The following TTLL7 variants were observed in gnomAD, a reference collection of about 807,000 sequenced individuals.
TTLL7 encodes the protein tubulin tyrosine ligase like 7.
TTLL7 carries 53 observed loss-of-function variants against 120.2 expected under a neutral mutation model. The ratio of observed to expected loss-of-function variants is 0.44; its 90% CI spans 0.35 to 0.55. The LOEUF (loss-of-function observed/expected upper bound fraction) is 0.55. Ranked by LOEUF, TTLL7 falls within the 20% of genes least tolerant of loss-of-function variation. TTLL7 has a pLI of 0.00. For synonymous variants in TTLL7, 353 were observed against 351.7 expected (o/e 1.00, Z -0.04); for missense variants, 803 against 1,054.7 (o/e 0.76, Z 3.31).
rs1332572694 is a variant in TTLL7, at chr1:83,868,174, C to G, written c.*1788G>C. ...CAATTCTTCAGGCTGTGAATTAAAC[C>G]AGGCCAATTTGCCCCTCTCAGTTCT... On this transcript the variant is annotated 3_prime_UTR_variant, in exon 21 of 21. Coordinates refer to ENST00000260505, the MANE Select transcript of TTLL7 (RefSeq NM_024686.6). The G allele has an allele frequency of 6.6e-6, 1 of 152,156 alleles. No homozygotes were observed. The highest frequency in any genetic ancestry group is 1.5e-5 in the Non-Finnish European group (1 of 68,020). The allele number at this position is 152,156 out of a possible 1,614,324, so 9.4% of individuals were successfully genotyped here.
intron 1 of TTLL7, among the ~76,000 whole-genome samples, chr1:83,971,581 G>A (rs1650989981): frequency 6.6e-6 from 1 of 152,032 alleles, no homozygotes; most frequent in Non-Finnish European, 1.5e-5. Flanking sequence ...GTTTCCTACT[G>A]CTGGAATCTT....
At chr1:83,925,655 T>C (rs1258728428) in intron 10 of TTLL7, among the ~76,000 whole-genome samples, 1 of 152,230 alleles carries the variant, frequency 6.6e-6, no homozygotes, top group Non-Finnish European at 1.5e-5. Flanking sequence ...TAGCCTGGAC[T>C]TTCATGTGAA....
intron 1 of TTLL7, among the ~76,000 whole-genome samples, chr1:83,985,895 C>T (rs1285625986): frequency 1.3e-5 from 2 of 152,076 alleles, no homozygotes; most frequent in African/African-American, 2.4e-5. Context: ...TCTATAACTA[C>T]TAAAGAAATA....
chr1:83,919,984 A>G (rs1163358213), intron 12 of TTLL7, 150 bp from the exon 13 acceptor site: 1 of 543,080 alleles, frequency 1.8e-6, no homozygotes, highest in Non-Finnish European at 3.0e-6. Flanking sequence ...GTGCAAAATG[A>G]TATTAAATAT....
chr1:83,990,445 G>A (rs186728914), intron 1 of TTLL7, among the ~76,000 whole-genome samples: 15 of 152,306 alleles, frequency 9.8e-5, no homozygotes, highest in African/African-American at 3.6e-4. Flanking sequence ...AAAGTGCTGG[G>A]ATTACAGGCG....
At chr1:83,904,754 A>G (rs1462065029) in intron 17 of TTLL7, among the ~76,000 whole-genome samples, 1 of 152,160 alleles carries the variant, frequency 6.6e-6, no homozygotes, top group Non-Finnish European at 1.5e-5. Flanking sequence ...TATCATTCAT[A>G]GTAATAAAAT....
intron 1 of TTLL7, among the ~76,000 whole-genome samples, chr1:83,975,921 T>G (rs1651425906): frequency 6.6e-6 from 1 of 152,018 alleles, no homozygotes. Context: ...AATAAGCATT[T>G]TATTTGAAAT....
Position 83,907,305 on chromosome 1 carries a change from G to A in TTLL7, c.1992+151C>T, listed in dbSNP as rs1450551358. ...TTTTTAAGAGTCATACTAAATTGTA[G>A]GCTAAGGTAGGTGAATAATCCAAAT... is the stretch of plus-strand genomic sequence containing the variant. On this transcript the variant is annotated intron_variant, in intron 16 of 20. Coordinates refer to ENST00000260505, the MANE Select transcript of TTLL7 (RefSeq NM_024686.6). 1.2e-5 allele frequency: 7 copies of A among 604,170 alleles called. No individual in the cohort carries two copies. The East Asian group carries it at 1.4e-4, about 13-fold the overall frequency. 37.4% of individuals were successfully genotyped at this position (604,170 alleles called of 1,614,324 possible).
At chr1:83,972,744 G>GA (rs1474507053) in intron 1 of TTLL7, among the ~76,000 whole-genome samples, 1 of 152,050 alleles carries the variant, frequency 6.6e-6, no homozygotes, top group Non-Finnish European at 1.5e-5. Context: ...TTGGTGTTGT[G>GA]AGTGTTTTGG....
At chr1:83,913,781 A>G (rs993526985) in intron 14 of TTLL7, among the ~76,000 whole-genome samples, 1 of 151,282 alleles carries the variant, frequency 6.6e-6, no homozygotes, top group Non-Finnish European at 1.5e-5. Flanking sequence ...CAAATCAGAC[A>G]AAGTGAATTC....
At chr1:83,912,464 T>C (rs988393497) in intron 14 of TTLL7, 1 of 152,242 alleles carries the variant, frequency 6.6e-6, no homozygotes, top group Non-Finnish European at 1.5e-5. Context: ...CTATTCCTGA[T>C]GGGAGAGGTT....
intron 4 of TTLL7, 28 bp downstream of exon 4, chr1:83,949,837 C>A (rs759516914): frequency 2.2e-5 from 35 of 1,611,470 alleles, no homozygotes; most frequent in Non-Finnish European, 2.8e-5. Flanking sequence ...TTCCTCATAC[C>A]ACTAACTGGT....
intron 1 of TTLL7, among the ~76,000 whole-genome samples, chr1:83,965,940 G>A (rs539764660): frequency 6.6e-6 from 1 of 152,022 alleles, no homozygotes; most frequent in African/African-American, 2.4e-5. Context: ...TGATGTCTAT[G>A]GCAAATCAAG....
intron 18 of TTLL7, among the ~76,000 whole-genome samples, chr1:83,892,895 G>GAAAAA (rs1248326460): frequency 9.8e-6 from 1 of 102,314 alleles, no homozygotes; most frequent in African/African-American, 4.0e-5. Context: ...AAGAGAGAAA[G>GAAAAA]AGAAAGAAGG....
intron 3 of TTLL7, 104 bp from the exon 4 acceptor site, chr1:83,950,090 G>GA (rs1253701302): frequency 9.6e-7 from 1 of 1,037,724 alleles, no homozygotes; most frequent in Non-Finnish European, 1.4e-6. Context: ...TATTTCATTT[G>GA]AAAAATATTA....
At chr1:83,929,439 C>G (rs1268955184) in intron 9 of TTLL7, among the ~76,000 whole-genome samples, 5 of 152,132 alleles carry the variant, frequency 3.3e-5, no homozygotes, top group African/African-American at 4.8e-5. Flanking sequence ...AGCACCATCT[C>G]CTTCCCAAGG....
intron 1 of TTLL7, among the ~76,000 whole-genome samples, chr1:83,964,261 T>G (rs1230855459): frequency 6.6e-6 from 1 of 152,130 alleles, no homozygotes; most frequent in African/African-American, 2.4e-5. Flanking sequence ...AAACCAGTCC[T>G]TTTATAGAAA....
At chr1:83,975,484 T>G (rs1178340298) in intron 1 of TTLL7, among the ~76,000 whole-genome samples, 1 of 152,092 alleles carries the variant, frequency 6.6e-6, no homozygotes, top group Admixed American at 6.6e-5. Context: ...TCTGTTTGAT[T>G]CTCAGAACCT....
Position 83,892,423 on chromosome 1 carries a change from T to TATGAACATATATATGAACATATGA in TTLL7, c.2209-1966_2209-1943dup. ...ATATGAACATATATATGAACATATA[T>TATGAACATATATATGAACATATGA]ATGAACATATATATGAACATATGAA... is the stretch of plus-strand genomic sequence containing the variant. On this transcript the variant is annotated intron_variant, in intron 18 of 20. Transcript: ENST00000260505. Among the ~76,000 whole-genome samples the TATGAACATATATATGAACATATGA allele has an allele frequency of 1.5e-5, 2 of 135,528 alleles. 1 individual carries two copies. The highest frequency in any genetic ancestry group is 4.1e-4 in the East Asian group (2 of 4,938). The allele number at this position is 135,528 out of a possible 152,430, so 88.9% of individuals were successfully genotyped here.
Sources: allele counts gnomAD v4.1 joint callset (sites outside exome capture counted in the v4.1 genomes callset), GRCh38; gene constraint gnomAD v4.1.1; transcripts MANE v1.5; gene names NCBI Gene and HGNC (gene_info 2026-07-23, HGNC 2026-07-21).